The following SULT6B1 variants were observed in gnomAD, a reference collection of about 807,000 sequenced individuals.
SULT6B1 encodes sulfotransferase family 6B member 1.
In SULT6B1, 44 loss-of-function variants were observed where a neutral mutation model predicts 37.2. That is an observed-to-expected ratio of 1.18 (90% CI 0.93 to 1.52). The LOEUF (loss-of-function observed/expected upper bound fraction) is 1.52. SULT6B1 is among the 40% of genes most tolerant of loss of function. The pLI is 0.00. For synonymous variants in SULT6B1, 140 were observed against 126.0 expected, an observed-to-expected ratio of 1.11 and a Z score of -0.74; for missense variants, 450 against 361.0, an observed-to-expected ratio of 1.25 and a Z score of -2.00.
intron 3 of SULT6B1, among the ~76,000 whole-genome samples, chr2:37,180,113 C>T (rs916479903): frequency 3.9e-5 from 6 of 152,144 alleles, no homozygotes; most frequent in African/African-American, 1.2e-4. Context: ...AAATAAACAT[C>T]GTAAAGAACA....
In SULT6B1 at chr2:37,171,488, G is replaced by T. The variant is rs779091459; in HGVS notation, c.727C>A (p.Arg243Ser). Reference protein sequence around the residue: ...ISVQSTFQAMRAKSQDTHGAV... With the variant: ...ISVQSTFQAMSAKSQDTHGAV... ...CCGTGTGTGTCCTGAGACTTCGCAC[G>T]CATGGCTTGGAAGGTGCTCTGGACT... Residue 243 changes from arginine (R) to serine (S), a missense_variant, in exon 6 of 7, where the codon CGT becomes AGT. By Grantham distance (110) the Arg-to-Ser change is moderately radical. Coordinates refer to ENST00000535679, the MANE Select transcript of SULT6B1 (RefSeq NM_001367551.1). The T allele has an allele frequency of 4.3e-6, 7 of 1,614,154 alleles. No homozygotes were observed. The East Asian group carries it at 1.1e-4, about 26-fold the overall frequency.
intron 2 of SULT6B1, among the ~76,000 whole-genome samples, chr2:37,184,299 C>T (rs1053375236): frequency 1.3e-5 from 2 of 152,198 alleles, no homozygotes; most frequent in Admixed American, 6.5e-5. Context: ...TCAATGGAAC[C>T]TGAAAGTACA....
chr2:37,193,647 A>AGAG (rs1676833387), upstream of SULT6B1, among the ~76,000 whole-genome samples: 2 of 144,920 alleles, frequency 1.4e-5, no homozygotes, highest in African/African-American at 2.5e-5. Flanking sequence ...AAGAAGAAGA[A>AGAG]GAAGGAGAAG....
At chr2:37,192,059 C>T (rs1311847873), upstream of SULT6B1, among the ~76,000 whole-genome samples, 1 of 152,178 alleles carries the variant, frequency 6.6e-6, no homozygotes, top group Non-Finnish European at 1.5e-5. Flanking sequence ...GCAAGTACAG[C>T]TGGTTGGGCT....
At chr2:37,168,195 AT>A in intron 6 of SULT6B1, 130 bp from the exon 7 acceptor site, 1 of 937,284 alleles carries the variant, frequency 1.1e-6, no homozygotes, top group Non-Finnish European at 1.5e-6. Flanking sequence ...TACACTCTTT[AT>A]TTAGTTTTTT....
chr2:37,174,329 G>A (rs549956523), intron 5 of SULT6B1, among the ~76,000 whole-genome samples: 62 of 148,442 alleles, frequency 4.2e-4, no homozygotes, highest in Non-Finnish European at 7.7e-4. Context: ...CTACCTCTTA[G>A]GCTCAAGTGA....
chr2:37,181,764 A>G (rs1676555777), intron 3 of SULT6B1, among the ~76,000 whole-genome samples: 1 of 152,226 alleles, frequency 6.6e-6, no homozygotes, highest in Non-Finnish European at 1.5e-5. Flanking sequence ...CCAACGCTTT[A>G]TAAATTACTT....
At chr2:37,172,700 G>C (rs1676331325) in intron 5 of SULT6B1, among the ~76,000 whole-genome samples, 1 of 152,016 alleles carries the variant, frequency 6.6e-6, no homozygotes, top group Non-Finnish European at 1.5e-5. Context: ...TAGAAACAGG[G>C]TTTCACCATG....
chr2:37,190,991 C>T (rs544865057), upstream of SULT6B1, among the ~76,000 whole-genome samples: 1 of 151,598 alleles, frequency 6.6e-6, no homozygotes, highest in African/African-American at 2.4e-5. Flanking sequence ...GGGAGAAGGT[C>T]TAGAGAGGGA....
intron 6 of SULT6B1, among the ~76,000 whole-genome samples, chr2:37,169,535 G>T (rs1449204772): frequency 6.6e-6 from 1 of 152,094 alleles, no homozygotes; most frequent in Non-Finnish European, 1.5e-5. Flanking sequence ...TGTCACCCAG[G>T]CTGGAGTGCA....
chr2:37,171,218 C>T (rs1048870597), intron 6 of SULT6B1, among the ~76,000 whole-genome samples: 1 of 151,972 alleles, frequency 6.6e-6, no homozygotes, highest in Non-Finnish European at 1.5e-5. Context: ...CCAGCCTGGG[C>T]AACAGAGCGA....
At chr2:37,171,184 G>A (rs1346540416) in intron 6 of SULT6B1, among the ~76,000 whole-genome samples, 1 of 152,126 alleles carries the variant, frequency 6.6e-6, no homozygotes, top group African/African-American at 2.4e-5. Flanking sequence ...AGGTTGCAGT[G>A]AGCTGAGATT....
chr2:37,171,336 A>G, intron 6 of SULT6B1, 98 bp downstream of exon 6: 1 of 1,436,532 alleles, frequency 7.0e-7, no homozygotes, highest in East Asian at 2.3e-5. Context: ...GAGAAAAATA[A>G]AACCCTATCT....
At position 37,183,418 on chromosome 2, in the gene SULT6B1, C is replaced by T; in HGVS notation, c.402+7G>A. On this transcript the variant is annotated splice_region_variant and intron_variant, in intron 3 of 6. Coordinates refer to ENST00000535679, the MANE Select transcript of SULT6B1 (RefSeq NM_001367551.1). Reference sequence around the variant, plus strand: ...TCAAAGAATTATCAGTAGGAAAGGACACTCACCTTGGCTTTATTCTCGAAG... The same window carrying T: ...TCAAAGAATTATCAGTAGGAAAGGATACTCACCTTGGCTTTATTCTCGAAG... 6.2e-7 allele frequency: 1 copy of T among 1,610,002 alleles called. No individual in the cohort carries two copies.
At chr2:37,176,507 G>C (rs1026237977) in intron 4 of SULT6B1, among the ~76,000 whole-genome samples, 4 of 152,102 alleles carry the variant, frequency 2.6e-5, no homozygotes, top group South Asian at 2.1e-4. Flanking sequence ...TGATCCGCCC[G>C]CCTCGGCCAC....
At chr2:37,170,024 T>C (rs1676260018) in intron 6 of SULT6B1, among the ~76,000 whole-genome samples, 1 of 152,238 alleles carries the variant, frequency 6.6e-6, no homozygotes, top group African/African-American at 2.4e-5. Context: ...CTATCATCCA[T>C]GTCAGAGAGA....
At chr2:37,179,676 A>G (rs1467781789) in intron 3 of SULT6B1, 92 bp from the exon 4 acceptor site, 1 of 1,107,690 alleles carries the variant, frequency 9.0e-7, no homozygotes, top group East Asian at 2.5e-5. Context: ...GTCCACTCGT[A>G]TATTACATAA....
intron 4 of SULT6B1, among the ~76,000 whole-genome samples, chr2:37,177,411 C>CAAAAAAAAAAAAAAAAA (rs57205863): frequency 3.8e-4 from 29 of 76,258 alleles, no homozygotes; most frequent in South Asian, 1.0e-3. Flanking sequence ...AATCTTGTCT[C>CAAAAAAAAAAAAAAAAA]AAAAAAAAAA....
At chr2:37,188,991 C>T (rs1676731103), upstream of SULT6B1, among the ~76,000 whole-genome samples, 2 of 152,160 alleles carry the variant, frequency 1.3e-5, no homozygotes, top group Admixed American at 6.5e-5. Flanking sequence ...ATTAGAAATT[C>T]ACAGAATGAA....
Sources: gnomAD v4.1 joint callset for allele counts (sites outside exome capture counted in the v4.1 genomes callset) on GRCh38, gnomAD v4.1.1 for gene constraint, MANE v1.5 for transcripts, NCBI Gene and HGNC (gene_info 2026-07-23, HGNC 2026-07-21) for gene names.